Variants in ARHGAP21 observed in about 807,000 individuals in gnomAD.
ARHGAP21 encodes Rho GTPase activating protein 21.
Under a neutral mutation model 164.6 loss-of-function variants are expected in ARHGAP21, and 38 were observed. That is an observed-to-expected ratio of 0.23 (90% CI 0.18 to 0.30). The LOEUF (loss-of-function observed/expected upper bound fraction) is 0.30, where lower values mean the gene tolerates loss of function less well. ARHGAP21 is among the 10% of genes least tolerant of loss of function. ARHGAP21 has a pLI of 1.00. For missense variants in ARHGAP21, 1,822 were observed against 2,370.7 expected, an observed-to-expected ratio of 0.77 and a Z score of 4.81; for synonymous variants, 766 against 857.9, an observed-to-expected ratio of 0.89 and a Z score of 1.87.
chr10:24,643,317 G>A (rs1359407365), intron 4 of ARHGAP21, among the ~76,000 whole-genome samples: 1 of 152,110 alleles, frequency 6.6e-6, no homozygotes, highest in African/African-American at 2.4e-5. Flanking sequence ...TAGATTCATA[G>A]CCCTATTATT....
Position 24,596,444 on chromosome 10 carries a change from G to A in ARHGAP21, c.3477+296C>T, listed in dbSNP as rs1011091596. On this transcript the variant is annotated intron_variant, in intron 17 of 25. Coordinates refer to ENST00000396432, the MANE Select transcript of ARHGAP21 (RefSeq NM_020824.4). The stretch of plus-strand genomic sequence containing the variant: ...ACATGTATTATACTTTCTTAATCAG[G>A]TCCTTGTTCTCATCCTTGTTTTAAA... The A allele has an allele frequency of 1.1e-4, 58 of 528,956 alleles. 1 individual carries two copies. The highest frequency in any genetic ancestry group is 9.5e-4 in the Middle Eastern group (2 of 2,108). The allele number at this position is 528,956 out of a possible 1,614,324, so 32.8% of individuals were successfully genotyped here.
At chr10:24,689,636 GAGGCTGAGGTAGA>G (rs1842525616) in intron 2 of ARHGAP21, among the ~76,000 whole-genome samples, 1 of 152,082 alleles carries the variant, frequency 6.6e-6, no homozygotes, top group Non-Finnish European at 1.5e-5. Context: ...AGCTACCCGG[GAGGCTGAGGTAGA>G]AGGATCATCT....
rs1328876534 is a variant in ARHGAP21, at chr10:24,591,900, G to A, written c.3989C>T (p.Thr1330Met). Residue 1330 changes from threonine (T) to methionine (M), a missense_variant, in exon 22 of 26, where the codon ACG (threonine) becomes ATG (methionine). Transcript: ENST00000396432. ...GCATGAACTTACGTGCTGGATGAGC[G>A]TTTCTACAATCTTGTACTGGTCAGG... ...HMPDQYKIVETLIQHHDWFFT... is the reference protein window; with the variant it reads ...HMPDQYKIVEMLIQHHDWFFT... 3 of 1,607,896 alleles carry A rather than the reference G, an allele frequency of 1.9e-6. No individual in the cohort carries two copies. The highest frequency in any genetic ancestry group is 2.7e-5 in the African/African-American group (2 of 74,482).
chr10:24,679,978 C>T (rs1841618961), intron 2 of ARHGAP21, among the ~76,000 whole-genome samples: 1 of 152,010 alleles, frequency 6.6e-6, no homozygotes. Flanking sequence ...GTTCCCCTTC[C>T]TGTGTCCATG....
At chr10:24,691,796 T>C (rs1470067938) in intron 2 of ARHGAP21, among the ~76,000 whole-genome samples, 1 of 152,174 alleles carries the variant, frequency 6.6e-6, no homozygotes, top group Non-Finnish European at 1.5e-5. Flanking sequence ...AGAAGCCCAA[T>C]AATACCAGAG....
chr10:24,655,424 G>GA (rs1838711558), intron 4 of ARHGAP21, among the ~76,000 whole-genome samples: 3 of 152,226 alleles, frequency 2.0e-5, no homozygotes, highest in South Asian at 4.2e-4. Context: ...AAATTTACAA[G>GA]AAAAAATCAA....
At chr10:24,628,806 CAT>C (rs1288020377) in intron 7 of ARHGAP21, among the ~76,000 whole-genome samples, 90 of 100,096 alleles carry the variant, frequency 9.0e-4, no homozygotes, top group Middle Eastern at 0.011. Context: ...CACATATATA[CAT>C]ATATATACAT....
chr10:24,627,200 A>G (rs1835222246), intron 7 of ARHGAP21, among the ~76,000 whole-genome samples: 1 of 152,186 alleles, frequency 6.6e-6, no homozygotes, highest in Admixed American at 6.5e-5. Context: ...TATACAACCT[A>G]CAAGTGTTTC....
chr10:24,632,343 G>C (rs1835926395), intron 6 of ARHGAP21, among the ~76,000 whole-genome samples: 1 of 152,090 alleles, frequency 6.6e-6, no homozygotes, highest in Non-Finnish European at 1.5e-5. Context: ...TATTTATGAT[G>C]ATCTAAATTA....
chr10:24,682,914 T>C (rs1412623605), intron 2 of ARHGAP21, among the ~76,000 whole-genome samples: 1 of 151,704 alleles, frequency 6.6e-6, no homozygotes, highest in African/African-American at 2.4e-5. Flanking sequence ...GCTAACACAG[T>C]GAAACCCCCG....
At chr10:24,700,853 G>A (rs931921951) in intron 2 of ARHGAP21, among the ~76,000 whole-genome samples, 8 of 152,170 alleles carry the variant, frequency 5.3e-5, no homozygotes, top group Admixed American at 5.2e-4. Flanking sequence ...ATCACCTGAC[G>A]ATCTTGTTAA....
At chr10:24,647,833 T>G (rs967083597) in intron 4 of ARHGAP21, among the ~76,000 whole-genome samples, 2 of 152,212 alleles carry the variant, frequency 1.3e-5, no homozygotes, top group African/African-American at 4.8e-5. Context: ...AAGTTTACTT[T>G]GTATATTCTT....
intron 2 of ARHGAP21, among the ~76,000 whole-genome samples, chr10:24,712,933 T>C (rs1426842495): frequency 6.6e-6 from 1 of 151,904 alleles, no homozygotes; most frequent in Non-Finnish European, 1.5e-5. Context: ...ATACAATCTG[T>C]ATTTACTAGG....
chr10:24,585,189 A>G lies in ARHGAP21; in HGVS notation c.5100T>C (p.Cys1700=). 2 of 1,608,346 alleles carry G rather than the reference A, an allele frequency of 1.2e-6. No homozygotes were observed. Among genetic ancestry groups the G allele is most frequent in the South Asian group, 1.1e-5 (1 of 90,922 alleles). The change falls in exon 26 of 26, where the codon TGT becomes TGC. Residue 1700 remains cysteine (C), a synonymous_variant. Transcript: ENST00000396432. The part of the protein sequence containing the change: ...QLFSSHKLIE[C]DTLSRKKSAR... ...CTGATTTTTTCCTGGAAAGAGTATC[A>G]CATTCGATGAGTTTATGGGAACTGA...
chr10:24,675,714 A>C (rs764013796), intron 2 of ARHGAP21, among the ~76,000 whole-genome samples: 14 of 152,190 alleles, frequency 9.2e-5, no homozygotes, highest in African/African-American at 1.9e-4. Flanking sequence ...AAACACACAC[A>C]TTACTCCAAC....
Position 24,591,260 on chromosome 10 carries a change from A to G in ARHGAP21, c.4115T>C (p.Ile1372Thr). 2 of 1,612,538 alleles carry G rather than the reference A, an allele frequency of 1.2e-6. No homozygotes were observed. The highest frequency in any genetic ancestry group is 1.1e-5 in the South Asian group (1 of 90,996). ...VPNIDHLLTN[I>T]GRTGVSPGDV... ...TCCTGGGGAGACTCCTGTCCTTCCA[A>G]TGTTGGTGAGTAAATGATCTATGTT... is the stretch of plus-strand genomic sequence containing the variant. The change falls in exon 24 of 26, where the codon ATT becomes ACT. Residue 1372 changes from isoleucine to threonine, a missense_variant. By Grantham distance (89) the Ile-to-Thr change is moderately conservative. Around this residue, in one of 5 missense-constraint regions of ARHGAP21, gnomAD observed 333 missense variants for 383.9 expected, o/e 0.87. Coordinates refer to ENST00000396432, the MANE Select transcript of ARHGAP21 (RefSeq NM_020824.4).
At position 24,634,994 on chromosome 10, in the gene ARHGAP21, A is replaced by G; in HGVS notation, c.361+17T>C. The G allele has an allele frequency of 6.7e-7, 1 of 1,487,488 alleles. No individual in the cohort carries two copies. The highest frequency in any genetic ancestry group is 1.3e-5 in the South Asian group (1 of 74,640). The allele number at this position is 1,487,488 out of a possible 1,614,324, so 92.1% of individuals were successfully genotyped here. On this transcript the variant is annotated intron_variant, in intron 5 of 25. Transcript: ENST00000396432. ...AAAAGAAATTAAAACGTATTGTTTAAAGAAGAATATCAGCACCTGTACATA... is the reference window on the plus strand; with the variant it reads ...AAAAGAAATTAAAACGTATTGTTTAGAGAAGAATATCAGCACCTGTACATA...
chr10:24,682,238 CA>C (rs568522797), intron 2 of ARHGAP21, among the ~76,000 whole-genome samples: 62 of 151,870 alleles, frequency 4.1e-4, no homozygotes, highest in African/African-American at 1.4e-3. Context: ...AAAGGAAAAA[CA>C]AAATCTTGAA....
rs1396519581 is a variant in ARHGAP21 at position 24,591,808 on chromosome 10, C to T, written c.4002+79G>A. 9.4e-6 allele frequency: 15 copies of T among 1,594,154 alleles called. No individual in the cohort carries two copies. The African/African-American group carries it at 1.8e-4, about 19-fold the overall frequency. On this transcript the variant is annotated intron_variant, in intron 22 of 25. Coordinates refer to ENST00000396432, the MANE Select transcript of ARHGAP21 (RefSeq NM_020824.4). ...GATATTACAACCAACCTCTGTCTGA[C>T]CAAATAGCGGCTGCCCGTGAAAATG... is the stretch of plus-strand genomic sequence containing the variant.
Sources: gnomAD v4.1 joint callset for allele counts (sites outside exome capture counted in the v4.1 genomes callset) on GRCh38, gnomAD v4.1.1 for gene constraint, gnomAD v4.1.1 regional missense constraint, MANE v1.5 for transcripts, NCBI Gene and HGNC (gene_info 2026-07-23, HGNC 2026-07-21) for gene names.